DAB1: variants seen among roughly 807,000 people sequenced by gnomAD.
DAB1 encodes the protein disabled homolog 1.
DAB1 carries 15 observed loss-of-function variants against 64.6 expected under a neutral mutation model. The observed-to-expected ratio is 0.23, with a 90% confidence interval of 0.16 to 0.36. DAB1 has a LOEUF of 0.36. DAB1 is among the 10% of genes least tolerant of loss of function. The pLI, the probability that DAB1 is intolerant of heterozygous loss-of-function variation, is 1.00. For missense variants in DAB1, 596 were observed against 706.7 expected, an observed-to-expected ratio of 0.84 and a Z score of 1.78; for synonymous variants, 235 against 251.9, an observed-to-expected ratio of 0.93 and a Z score of 0.64.
intron 7 of DAB1, among the ~76,000 whole-genome samples, chr1:57,460,146 A>G (rs1368916755): frequency 2.0e-5 from 3 of 152,228 alleles, no homozygotes. Context: ...ATTAGTTGTG[A>G]CACTTAGAAA....
intron 1 of DAB1, among the ~76,000 whole-genome samples, chr1:57,297,903 C>T (rs1268160957): frequency 6.6e-6 from 1 of 152,142 alleles, no homozygotes; most frequent in Non-Finnish European, 1.5e-5. Context: ...GACTGCCAAA[C>T]TTGGCAGAAG....
chr1:57,909,823 G>A (rs1238678008), intron 5 of DAB1, among the ~76,000 whole-genome samples: 1 of 152,162 alleles, frequency 6.6e-6, no homozygotes, highest in Non-Finnish European at 1.5e-5. Flanking sequence ...GAGCATATGA[G>A]ATTATATGGC....
intron 3 of DAB1, among the ~76,000 whole-genome samples, chr1:58,350,395 G>A (rs573018998): frequency 6.6e-6 from 1 of 151,976 alleles, no homozygotes; most frequent in Non-Finnish European, 1.5e-5. Flanking sequence ...AATTTTCTCC[G>A]GTTCTGTAGG....
rs144884866 is a variant in DAB1 at position 57,022,863 on chromosome 1, C to T, written c.895+668G>A. Among the ~76,000 whole-genome samples, 289 of 152,392 alleles carry T rather than the reference C, an allele frequency of 1.9e-3. 2 individuals carry two copies. Among genetic ancestry groups the T allele is most frequent in the African/African-American group, 6.6e-3 (276 of 41,594 alleles). ...AGTACAGTGGCCTGGCCACATGGAACGCCTCATGCCATGGAAACAAGGTAA... is the reference window on the plus strand; with the variant it reads ...AGTACAGTGGCCTGGCCACATGGAATGCCTCATGCCATGGAAACAAGGTAA... On this transcript the variant is annotated intron_variant, in intron 11 of 14. Coordinates refer to ENST00000371236, the MANE Select transcript of DAB1 (RefSeq NM_001365792.1).
intron 4 of DAB1, among the ~76,000 whole-genome samples, chr1:58,165,741 G>A (rs1280957359): frequency 6.6e-6 from 1 of 152,144 alleles, no homozygotes; most frequent in Non-Finnish European, 1.5e-5. Context: ...GAGGTTTTGG[G>A]GATCAGTGAA....
chr1:57,409,576 C>T (rs1360654625), intron 1 of DAB1, among the ~76,000 whole-genome samples: 7 of 152,060 alleles, frequency 4.6e-5, no homozygotes, highest in South Asian at 2.1e-4. Flanking sequence ...TTTGGGAGGC[C>T]GAGGTGGGCG....
chr1:57,998,520 C>T (rs1646461536), intron 5 of DAB1, among the ~76,000 whole-genome samples: 1 of 151,896 alleles, frequency 6.6e-6, no homozygotes. Flanking sequence ...CACACCACCA[C>T]ACCCAGCTAA....
rs76665773 is a variant in DAB1, at chr1:58,029,363, T to C, written n.387+121148A>G. On this transcript the variant is annotated intron_variant and non_coding_transcript_variant, in intron 5 of 20. Coordinates refer to the DAB1 transcript ENST00000485760. ...ATGCACTAAAAAAATGCTTCTGATG[T>C]CAAGTCCACTTACAGTTGCTGTTAC... 1.8e-3 allele frequency among the ~76,000 whole-genome samples: 267 copies of C among 152,274 alleles called. 12 individuals carry two copies. In the East Asian group the frequency reaches 0.047, roughly 27 times the overall value.
intron 3 of DAB1, among the ~76,000 whole-genome samples, chr1:58,378,855 G>A (rs1356662739): frequency 1.2e-4 from 11 of 91,988 alleles, no homozygotes; most frequent in East Asian, 2.7e-4. Context: ...AGGACCCTCC[G>A]AGCCAGGTGT....
intron 4 of DAB1, among the ~76,000 whole-genome samples, chr1:57,086,825 G>T (rs1174284713): frequency 2.0e-5 from 3 of 152,138 alleles, no homozygotes; most frequent in Non-Finnish European, 4.4e-5. Flanking sequence ...ATAGCATAAG[G>T]CTTTATAACA....
At chr1:57,441,347 CT>C (rs1398301955) in intron 7 of DAB1, among the ~76,000 whole-genome samples, 3 of 141,188 alleles carry the variant, frequency 2.1e-5, no homozygotes, top group African/African-American at 5.3e-5. Flanking sequence ...TTCTTTCTTT[CT>C]TTTTTTCTTT....
At chr1:58,230,875 T>C (rs1439813232) in intron 4 of DAB1, among the ~76,000 whole-genome samples, 3 of 152,188 alleles carry the variant, frequency 2.0e-5, no homozygotes, top group African/African-American at 7.2e-5. Context: ...TACAGCACCA[T>C]GGTTGGCAGT....
chr1:57,930,167 C>T (rs906113363), intron 5 of DAB1, among the ~76,000 whole-genome samples: 4 of 152,190 alleles, frequency 2.6e-5, no homozygotes, highest in African/African-American at 9.6e-5. Flanking sequence ...TTCTCCATTG[C>T]TTTGCCTTTG....
intron 1 of DAB1, among the ~76,000 whole-genome samples, chr1:57,344,135 A>C (rs537843949): frequency 6.6e-6 from 1 of 152,350 alleles, no homozygotes; most frequent in Admixed American, 6.5e-5. Flanking sequence ...ACCGGTCCCC[A>C]CCCACATAAC....
intron 6 of DAB1, among the ~76,000 whole-genome samples, chr1:57,744,106 T>C (rs930004633): frequency 1.3e-5 from 2 of 152,204 alleles, no homozygotes; most frequent in African/African-American, 2.4e-5. Flanking sequence ...GCAGAGATTT[T>C]GTTTATGGCC....
intron 4 of DAB1, among the ~76,000 whole-genome samples, chr1:58,207,895 C>G (rs1658361629): frequency 6.6e-6 from 1 of 152,118 alleles, no homozygotes; most frequent in South Asian, 2.1e-4. Flanking sequence ...ATACCTGAGA[C>G]TGAGGAATTT....
intron 7 of DAB1, among the ~76,000 whole-genome samples, chr1:57,447,873 A>G (rs1240421325): frequency 6.6e-6 from 1 of 152,164 alleles, no homozygotes; most frequent in Non-Finnish European, 1.5e-5. Flanking sequence ...GATTTGGTCT[A>G]CATTTTAGGA....
At chr1:57,763,352 A>G (rs761011571) in intron 6 of DAB1, among the ~76,000 whole-genome samples, 7 of 152,146 alleles carry the variant, frequency 4.6e-5, no homozygotes, top group Non-Finnish European at 8.8e-5. Flanking sequence ...TAGCAAAGTA[A>G]TGGTAAGATT....
intron 1 of DAB1, among the ~76,000 whole-genome samples, chr1:58,537,998 C>T (rs566002810): frequency 6.6e-6 from 1 of 152,262 alleles, no homozygotes; most frequent in East Asian, 1.9e-4. Flanking sequence ...ATAGTCAATA[C>T]AGCTGTATCG....
Sources: allele counts gnomAD v4.1 joint callset (sites outside exome capture counted in the v4.1 genomes callset), GRCh38; gene constraint gnomAD v4.1.1; transcripts MANE v1.5; gene names NCBI Gene and HGNC (gene_info 2026-07-23, HGNC 2026-07-21).